Variants in CNOT10 observed in about 807,000 individuals in gnomAD.
CNOT10 encodes CCR4-NOT transcription complex subunit 10.
A neutral mutation model predicts 94.6 loss-of-function variants in CNOT10; 30 were observed. The observed-to-expected ratio is 0.32, with a 90% CI of 0.24 to 0.43. The LOEUF is 0.43. CNOT10 is among the 20% of genes least tolerant of loss of function. The pLI is 1.00. For missense variants in CNOT10, 759 were observed against 877.2 expected (o/e 0.87, Z 1.70); for synonymous variants, 289 against 301.6 (o/e 0.96, Z 0.43).
chr3:32,701,666 C>A (rs527456491), intron 1 of CNOT10, among the ~76,000 whole-genome samples: 2 of 152,304 alleles, frequency 1.3e-5, no homozygotes, highest in South Asian at 4.1e-4. Flanking sequence ...CTGCTTGCTT[C>A]CTCTTTGCCT....
chr3:32,749,249 A>G (rs1699852005), intron 13 of CNOT10, among the ~76,000 whole-genome samples: 2 of 152,066 alleles, frequency 1.3e-5, no homozygotes, highest in African/African-American at 4.8e-5. Context: ...TTTCATTTTG[A>G]TGAAAGTTAA....
rs1454330222 is a variant in CNOT10 at position 32,698,974 on chromosome 3, C to T, written c.23-4894C>T. ...CTAATTTTTGTATTTTTTGTAGAGACGGGGTTTCACCATGCTGCCCAGACT... is the reference window on the plus strand; with the variant it reads ...CTAATTTTTGTATTTTTTGTAGAGATGGGGTTTCACCATGCTGCCCAGACT... On this transcript the variant is annotated intron_variant, in intron 1 of 18. Transcript: ENST00000328834. 3.9e-5 allele frequency among the ~76,000 whole-genome samples: 6 copies of T among 152,126 alleles called. No homozygotes were observed. In the East Asian group the frequency reaches 7.7e-4, roughly 20 times the overall value.
intron 16 of CNOT10, 44 bp downstream of exon 16, chr3:32,764,534 C>T: frequency 1.2e-6 from 2 of 1,606,258 alleles, no homozygotes; most frequent in Non-Finnish European, 1.7e-6. Flanking sequence ...TGGCCTGCAT[C>T]CCAAAAATTT....
In CNOT10 at chr3:32,739,555, T is replaced by G. The variant is rs150167954; in HGVS notation, c.1595+2065T>G. Among the ~76,000 whole-genome samples the G allele has an allele frequency of 1.7e-3, 258 of 152,288 alleles. 2 individuals are homozygous for G. Among genetic ancestry groups the G allele is most frequent in the African/African-American group, 5.8e-3 (242 of 41,560 alleles). On this transcript the variant is annotated intron_variant, in intron 13 of 18. Coordinates refer to ENST00000328834, the MANE Select transcript of CNOT10 (RefSeq NM_015442.3). ...AAATTAAACTTCATTTAGAGACGAT[T>G]GTAGATTCACATAATAGTCTAAAAA...
chr3:32,731,682 G>T (rs1352253741), intron 10 of CNOT10, among the ~76,000 whole-genome samples: 1 of 152,054 alleles, frequency 6.6e-6, no homozygotes, highest in Non-Finnish European at 1.5e-5. Flanking sequence ...TCACCACATT[G>T]CCCACACTGG....
At chr3:32,688,801 G>C (rs1030692119) in intron 1 of CNOT10, among the ~76,000 whole-genome samples, 1 of 152,072 alleles carries the variant, frequency 6.6e-6, no homozygotes, top group African/African-American at 2.4e-5. Context: ...TATAGTCTCA[G>C]CTCCTAGGGA....
intron 17 of CNOT10, among the ~76,000 whole-genome samples, chr3:32,766,678 C>T (rs78699703): frequency 0.022 from 3,319 of 151,166 alleles, 49 homozygotes; most frequent in East Asian, 0.047. Flanking sequence ...TTTCAGAAAG[C>T]CAATACTAGA....
At chr3:32,725,426 CA>C (rs1427295373) in intron 8 of CNOT10, 23 bp from the exon 9 acceptor site, 1 of 1,607,348 alleles carries the variant, frequency 6.2e-7, no homozygotes, top group Non-Finnish European at 8.5e-7. Flanking sequence ...TTTCTGTGGA[CA>C]AATTTATTTG....
intron 18 of CNOT10, among the ~76,000 whole-genome samples, chr3:32,772,418 G>A (rs988694972): frequency 1.3e-5 from 2 of 152,050 alleles, no homozygotes; most frequent in African/African-American, 2.4e-5. Context: ...AGGCTGAGGC[G>A]GGAGGATTGC....
intron 7 of CNOT10, among the ~76,000 whole-genome samples, chr3:32,717,878 A>T (rs1698192832): frequency 2.0e-5 from 3 of 152,160 alleles, no homozygotes; most frequent in African/African-American, 7.2e-5. Context: ...AACATTTTTT[A>T]AATAAAAAAA....
chr3:32,752,493 G>A (rs187523325), intron 13 of CNOT10, among the ~76,000 whole-genome samples: 1 of 152,196 alleles, frequency 6.6e-6, no homozygotes, highest in Non-Finnish European at 1.5e-5. Flanking sequence ...CCCAGGATAA[G>A]ACTGGGTTCT....
At chr3:32,692,948 G>C (rs1193326073) in intron 1 of CNOT10, among the ~76,000 whole-genome samples, 2 of 152,134 alleles carry the variant, frequency 1.3e-5, no homozygotes, top group Non-Finnish European at 2.9e-5. Context: ...GGGAGGCTGA[G>C]GTAGGAGGTC....
intron 1 of CNOT10, among the ~76,000 whole-genome samples, chr3:32,700,616 G>C (rs1697297864): frequency 6.6e-6 from 1 of 152,072 alleles, no homozygotes. Context: ...ACTTGAAAAA[G>C]GGTTTTCTTA....
intron 17 of CNOT10, among the ~76,000 whole-genome samples, chr3:32,768,244 A>G (rs78881363): frequency 0.034 from 5,239 of 152,260 alleles, 146 homozygotes; most frequent in Non-Finnish European, 0.056. Flanking sequence ...AACAGTAAAT[A>G]AAATGTGTTA....
chr3:32,698,601 T>C (rs1263909703), intron 1 of CNOT10, among the ~76,000 whole-genome samples: 3 of 152,198 alleles, frequency 2.0e-5, no homozygotes, highest in Non-Finnish European at 4.4e-5. Context: ...CTATATTTAT[T>C]TAGCATCTCT....
chr3:32,764,505 T>C lies in CNOT10; in HGVS notation c.1876+15T>C, dbSNP rs1700582903. ...AATGGAATCCTGTAAGTAAGAAGTT[T>C]TGTGATACTTAAGTAGCCTGGCCTG... On this transcript the variant is annotated intron_variant, in intron 16 of 18. Transcript: ENST00000328834. The C allele has an allele frequency of 6.2e-7, 1 of 1,612,898 alleles. No homozygotes were observed. The highest frequency in any genetic ancestry group is 8.5e-7 in the Non-Finnish European group (1 of 1,179,648).
intron 8 of CNOT10, among the ~76,000 whole-genome samples, chr3:32,721,060 CT>C (rs377750318): frequency 0.14 from 13,815 of 97,106 alleles, 517 homozygotes; most frequent in East Asian, 0.2. Flanking sequence ...TCTTTCCTTT[CT>C]TTTTTTTTTT....
At chr3:32,751,751 A>G (rs1198802709) in intron 13 of CNOT10, among the ~76,000 whole-genome samples, 1 of 152,226 alleles carries the variant, frequency 6.6e-6, no homozygotes, top group Non-Finnish European at 1.5e-5. Flanking sequence ...AAAGAGGATT[A>G]TGGCTAATAA....
In CNOT10 at chr3:32,764,674, T is replaced by C; in HGVS notation, c.1877-8T>C. The C allele has an allele frequency of 6.2e-7, 1 of 1,613,718 alleles. No individual in the cohort carries two copies. The highest frequency in any genetic ancestry group is 1.1e-5 in the South Asian group (1 of 91,000). On this transcript the variant is annotated splice_region_variant and splice_polypyrimidine_tract_variant and intron_variant, in intron 16 of 18. Coordinates refer to ENST00000328834, the MANE Select transcript of CNOT10 (RefSeq NM_015442.3). ...CTCTTCACCAGTGTCTACACTCTTT[T>C]TCCCCAGCTGGTAAGCGGGCCCCTC...
Sources: gnomAD v4.1 joint callset for allele counts (sites outside exome capture counted in the v4.1 genomes callset) on GRCh38, gnomAD v4.1.1 for gene constraint, MANE v1.5 for transcripts, NCBI Gene and HGNC (gene_info 2026-07-23, HGNC 2026-07-21) for gene names.